TMC1: variants seen among roughly 807,000 people sequenced by gnomAD.
TMC1 encodes transmembrane channel-like protein 1.
A neutral mutation model predicts 105.8 loss-of-function variants in TMC1; 84 were observed. The ratio of observed to expected loss-of-function variants is 0.79; its 90% CI spans 0.67 to 0.95. TMC1 has a LOEUF of 0.95. Ranked by LOEUF, TMC1 falls within the 40% of genes least tolerant of loss-of-function variation. The pLI, the probability that TMC1 is intolerant of heterozygous loss-of-function variation, is 0.00. For synonymous variants in TMC1, 315 were observed against 311.5 expected (o/e 1.01, Z -0.12); for missense variants, 817 against 914.1 (o/e 0.89, Z 1.37).
At chr9:72,605,764 C>T (rs764660640) in intron 2 of TMC1, among the ~76,000 whole-genome samples, 30 of 151,850 alleles carry the variant, frequency 2.0e-4, no homozygotes, top group Non-Finnish European at 3.1e-4. Flanking sequence ...TTAGTAGAGA[C>T]GTGGTTTTGT....
intron 13 of TMC1, among the ~76,000 whole-genome samples, chr9:72,781,159 GA>G (rs1455415248): frequency 1.3e-5 from 2 of 152,082 alleles, no homozygotes; most frequent in East Asian, 3.9e-4. Context: ...TCAATACCAA[GA>G]GGATCTCTAA....
chr9:72,740,917 C>T (rs1472083880), intron 9 of TMC1, among the ~76,000 whole-genome samples: 10 of 152,016 alleles, frequency 6.6e-5, no homozygotes, highest in Non-Finnish European at 1.2e-4. Context: ...TAAATTGAAT[C>T]ATATAGTATC....
chr9:72,689,915 T>C (rs1248207433), intron 6 of TMC1, among the ~76,000 whole-genome samples: 1 of 152,096 alleles, frequency 6.6e-6, no homozygotes, highest in Non-Finnish European at 1.5e-5. Context: ...AGCCACTTTA[T>C]GTCTTTTGAT....
intron 7 of TMC1, among the ~76,000 whole-genome samples, chr9:72,695,387 A>G (rs1438128963): frequency 6.6e-6 from 1 of 152,152 alleles, no homozygotes; most frequent in African/African-American, 2.4e-5. Flanking sequence ...CCAAGAAAAT[A>G]CTTTTCTTCT....
intron 13 of TMC1, among the ~76,000 whole-genome samples, chr9:72,787,157 C>T (rs1369395977): frequency 2.0e-5 from 3 of 152,132 alleles, no homozygotes; most frequent in Non-Finnish European, 2.9e-5. Context: ...AAAATTATTT[C>T]ATGCCTTTGA....
Position 72,700,581 on chromosome 9 carries a change from A to G in TMC1, c.300A>G (p.Arg100=). The G allele has an allele frequency of 6.2e-7, 1 of 1,609,630 alleles. No individual in the cohort carries two copies. The highest frequency in any genetic ancestry group is 8.5e-7 in the Non-Finnish European group (1 of 1,177,218). ...TGAAGGCAGAGTTAGATGAGAAAAGACAAATAATTGCTACTGTCAAATGCA... is the reference window on the plus strand; with the variant it reads ...TGAAGGCAGAGTTAGATGAGAAAAGGCAAATAATTGCTACTGTCAAATGCA... ...ERLKAELDEK[R]QIIATVKCKP... The change falls in exon 8 of 24, where the codon AGA becomes AGG. Residue 100 remains arginine (R), a synonymous_variant. Coordinates refer to ENST00000297784, the MANE Select transcript of TMC1 (RefSeq NM_138691.3).
At chr9:72,665,703 A>C (rs543089731) in intron 5 of TMC1, among the ~76,000 whole-genome samples, 1 of 152,332 alleles carries the variant, frequency 6.6e-6, no homozygotes, top group African/African-American at 2.4e-5. Flanking sequence ...ACGATACCTT[A>C]GTTTACAGAG....
In TMC1 at chr9:72,792,276, A is replaced by G; in HGVS notation, c.1490A>G (p.Asn497Ser). The change falls in exon 17 of 24, where the codon AAT becomes AGT. Residue 497 changes from asparagine (N) to serine (S), a missense_variant. Transcript: ENST00000297784. Reference sequence around the variant, plus strand: ...GCCTACAATGCATCATTCTCTGAAAATAGCACTGGACCACCCTTTTTTGTT... The same window carrying G: ...GCCTACAATGCATCATTCTCTGAAAGTAGCACTGGACCACCCTTTTTTGTT... ...IKAYNASFSE[N>S]STGPPFFVHP... 1 of 1,614,174 alleles carries G rather than the reference A, an allele frequency of 6.2e-7. No homozygotes were observed.
chr9:72,680,686 C>T (rs572707211), intron 5 of TMC1, among the ~76,000 whole-genome samples: 23 of 152,176 alleles, frequency 1.5e-4, no homozygotes, highest in African/African-American at 4.6e-4. Flanking sequence ...CCTCCCTCAC[C>T]GCTAAGCCTT....
chr9:72,666,272 G>A (rs975901406), intron 5 of TMC1, among the ~76,000 whole-genome samples: 1 of 150,932 alleles, frequency 6.6e-6, no homozygotes, highest in Non-Finnish European at 1.5e-5. Flanking sequence ...AAAAAAAAAA[G>A]GAAGGAAAGG....
intron 4 of TMC1, among the ~76,000 whole-genome samples, chr9:72,634,766 G>C (rs376306751): frequency 6.6e-6 from 1 of 152,166 alleles, no homozygotes; most frequent in Non-Finnish European, 1.5e-5. Context: ...TTGCTAGAAT[G>C]GTTCACGGAA....
At chr9:72,556,399 G>A (rs1823941418) in intron 1 of TMC1, among the ~76,000 whole-genome samples, 1 of 151,928 alleles carries the variant, frequency 6.6e-6, no homozygotes, top group African/African-American at 2.4e-5. Context: ...TTACAGGCGT[G>A]AGTCACTGTG....
intron 2 of TMC1, among the ~76,000 whole-genome samples, chr9:72,594,625 T>C (rs950902618): frequency 6.6e-6 from 1 of 152,170 alleles, no homozygotes; most frequent in African/African-American, 2.4e-5. Context: ...AATCAGACTT[T>C]TTAACTTTGA....
chr9:72,683,087 G>A (rs1324411401), intron 5 of TMC1, among the ~76,000 whole-genome samples: 4 of 152,134 alleles, frequency 2.6e-5, no homozygotes, highest in Non-Finnish European at 5.9e-5. Flanking sequence ...CAACACTGGG[G>A]ATTACAATTA....
At chr9:72,540,498 T>C (rs1248875342) in intron 1 of TMC1, among the ~76,000 whole-genome samples, 5 of 106,772 alleles carry the variant, frequency 4.7e-5, no homozygotes, top group Admixed American at 4.5e-4. Context: ...TTCCTCGTTC[T>C]GACTTTTTTT....
At chr9:72,693,723 A>T (rs1826505378) in intron 6 of TMC1, among the ~76,000 whole-genome samples, 2 of 152,172 alleles carry the variant, frequency 1.3e-5, no homozygotes, top group Admixed American at 6.5e-5. Context: ...CTGGAATAGT[A>T]ATGTTATGTT....
chr9:72,786,963 T>A (rs929671189), intron 13 of TMC1, among the ~76,000 whole-genome samples: 4 of 151,958 alleles, frequency 2.6e-5, no homozygotes, highest in African/African-American at 9.7e-5. Context: ...AAATAAGTCA[T>A]TTTCTCCCTA....
At chr9:72,691,117 T>A (rs1460072875) in intron 6 of TMC1, among the ~76,000 whole-genome samples, 2 of 152,184 alleles carry the variant, frequency 1.3e-5, no homozygotes, top group African/African-American at 4.8e-5. Context: ...TGTAGTGAAT[T>A]TCTGTTACTC....
intron 6 of TMC1, among the ~76,000 whole-genome samples, chr9:72,691,900 A>G (rs1322470515): frequency 2.0e-5 from 3 of 152,152 alleles, no homozygotes; most frequent in African/African-American, 4.8e-5. Flanking sequence ...AGTACAAACT[A>G]ATTCAAAACT....
Sources: allele counts gnomAD v4.1 joint callset (sites outside exome capture counted in the v4.1 genomes callset), GRCh38; gene constraint gnomAD v4.1.1; transcripts MANE v1.5; gene names NCBI Gene and HGNC (gene_info 2026-07-23, HGNC 2026-07-21).